The following GRIP1 variants were observed in gnomAD, a reference collection of about 807,000 sequenced individuals.
GRIP1 encodes glutamate receptor-interacting protein 1.
A neutral mutation model predicts 129.9 loss-of-function variants in GRIP1; 45 were observed. The observed-to-expected ratio is 0.35, with a 90% CI of 0.27 to 0.44. The LOEUF is 0.44. Ranked by LOEUF, GRIP1 falls within the 20% of genes least tolerant of loss-of-function variation. The probability of loss-of-function intolerance (pLI) is 1.00; values close to 1 mark genes in which losing one functional copy is unlikely to be tolerated. For synonymous variants in GRIP1, 530 were observed against 520.8 expected, an observed-to-expected ratio of 1.02 and a Z score of -0.24; for missense variants, 1,196 against 1,396.8, an observed-to-expected ratio of 0.86 and a Z score of 2.29.
At chr12:66,921,597 C>T (rs953295843) in intron 1 of GRIP1, among the ~76,000 whole-genome samples, 1 of 152,216 alleles carries the variant, frequency 6.6e-6, no homozygotes, top group Non-Finnish European at 1.5e-5. Flanking sequence ...GGCCTGACAT[C>T]ACTGACTGCA....
At chr12:66,352,538 GC>G (rs2054281815) in intron 24 of GRIP1, among the ~76,000 whole-genome samples, 1 of 152,036 alleles carries the variant, frequency 6.6e-6, no homozygotes, top group Non-Finnish European at 1.5e-5. Flanking sequence ...TATGAGACCA[GC>G]CTGGCCAACC....
intron 9 of GRIP1, among the ~76,000 whole-genome samples, chr12:66,460,797 T>TG (rs764665463): frequency 6.6e-6 from 1 of 152,240 alleles, no homozygotes; most frequent in East Asian, 1.9e-4. Flanking sequence ...GGTAAAACTA[T>TG]GTAAAACTCC....
chr12:66,812,614 C>A lies in GRIP1; in HGVS notation c.59-215687G>T, dbSNP rs80008574. On this transcript the variant is annotated intron_variant, in intron 1 of 1. Coordinates refer to the GRIP1 transcript ENST00000643019. ...TTCGCCTTGATAGTAGCTTTAGTTA[C>A]AAGTTCAAGTAAAGAGTTTAAAACT... Among the ~76,000 whole-genome samples the A allele has an allele frequency of 5.3e-3, 810 of 152,318 alleles. 7 individuals carry two copies. Among genetic ancestry groups the A allele is most frequent in the East Asian group, 0.051 (266 of 5,186 alleles).
intron 1 of GRIP1, among the ~76,000 whole-genome samples, chr12:66,768,721 T>C (rs1366441665): frequency 6.6e-6 from 1 of 152,190 alleles, no homozygotes; most frequent in Admixed American, 6.5e-5. Context: ...ATCCTTTTGA[T>C]ATGGTGATAT....
At chr12:66,376,675 C>G (rs2055799920) in intron 22 of GRIP1, among the ~76,000 whole-genome samples, 2 of 152,236 alleles carry the variant, frequency 1.3e-5, no homozygotes, top group Non-Finnish European at 2.9e-5. Context: ...AAGGACAAAA[C>G]AAAGTAAAAT....
chr12:66,628,213 A>G (rs760950173), intron 1 of GRIP1, among the ~76,000 whole-genome samples: 3 of 152,160 alleles, frequency 2.0e-5, no homozygotes, highest in Non-Finnish European at 2.9e-5. Flanking sequence ...ATAGATTGTG[A>G]GCTCACAGAT....
chr12:66,578,570 C>T (rs919475429), intron 2 of GRIP1, among the ~76,000 whole-genome samples: 6 of 152,152 alleles, frequency 3.9e-5, no homozygotes, highest in African/African-American at 1.2e-4. Context: ...TGCGCTTTTC[C>T]AAAGGGCTTA....
chr12:67,011,406 A>T (rs1004422600), intron 1 of GRIP1, among the ~76,000 whole-genome samples: 5 of 152,168 alleles, frequency 3.3e-5, no homozygotes, highest in African/African-American at 9.6e-5. Flanking sequence ...ACCCTAGGAA[A>T]AGAACGCTGT....
intron 1 of GRIP1, among the ~76,000 whole-genome samples, chr12:66,937,544 A>C (rs766395844): frequency 6.6e-6 from 1 of 152,182 alleles, no homozygotes; most frequent in Non-Finnish European, 1.5e-5. Context: ...CTCATACCTA[A>C]AATAACTGTA....
intron 1 of GRIP1, among the ~76,000 whole-genome samples, chr12:66,632,526 G>C (rs973299807): frequency 1.3e-5 from 2 of 152,046 alleles, no homozygotes; most frequent in African/African-American, 4.8e-5. Context: ...AAAAAGGAAG[G>C]TTTCTTCCCT....
intron 7 of GRIP1, among the ~76,000 whole-genome samples, chr12:66,515,132 A>G (rs1046668861): frequency 6.6e-6 from 1 of 152,174 alleles, no homozygotes; most frequent in Non-Finnish European, 1.5e-5. Context: ...ATGATACTAC[A>G]TCTCCTTTAT....
intron 1 of GRIP1, among the ~76,000 whole-genome samples, chr12:66,877,025 A>T (rs188003981): frequency 6.6e-6 from 1 of 152,040 alleles, no homozygotes; most frequent in South Asian, 2.1e-4. Flanking sequence ...CTCAATATGC[A>T]TATCTGTGTA....
At chr12:66,817,436 T>G (rs2039242213) in intron 1 of GRIP1, among the ~76,000 whole-genome samples, 1 of 151,798 alleles carries the variant, frequency 6.6e-6, no homozygotes, top group Non-Finnish European at 1.5e-5. Flanking sequence ...TGGGATGGAG[T>G]CTTTCTCTTG....
chr12:66,611,232 C>G (rs1376187380), intron 1 of GRIP1, among the ~76,000 whole-genome samples: 1 of 152,124 alleles, frequency 6.6e-6, no homozygotes, highest in Non-Finnish European at 1.5e-5. Context: ...GATGCCACTC[C>G]TGTCAGCATC....
intron 1 of GRIP1, among the ~76,000 whole-genome samples, chr12:66,605,960 G>C (rs1446645167): frequency 6.6e-6 from 1 of 152,060 alleles, no homozygotes; most frequent in East Asian, 1.9e-4. Flanking sequence ...TAACATTTTG[G>C]AGCTAAGAGC....
chr12:66,524,458 C>T (rs1037852809), intron 5 of GRIP1, among the ~76,000 whole-genome samples: 11 of 152,000 alleles, frequency 7.2e-5, no homozygotes, highest in South Asian at 4.2e-4. Flanking sequence ...AAGGCAGAAA[C>T]AAAGATGTTC....
At chr12:66,517,637 G>A (rs1294547516) in intron 6 of GRIP1, among the ~76,000 whole-genome samples, 1 of 152,082 alleles carries the variant, frequency 6.6e-6, no homozygotes, top group South Asian at 2.1e-4. Flanking sequence ...GCTCTGAAAG[G>A]TGGTATTATT....
chr12:66,491,061 A>G (rs12827035), intron 7 of GRIP1, among the ~76,000 whole-genome samples: 86,512 of 152,022 alleles, frequency 0.57, 25,711 homozygotes, highest in Middle Eastern at 0.74. Context: ...GCAATTCCTC[A>G]AAGACCTAGA....
rs561522836 is a variant in GRIP1 at position 66,523,686 on chromosome 12, T to G, written c.503-5710A>C. 1.1e-4 allele frequency among the ~76,000 whole-genome samples: 17 copies of G among 151,650 alleles called. No homozygotes were observed. The South Asian group carries it at 2.1e-3, about 19-fold the overall frequency. On this transcript the variant is annotated intron_variant, in intron 5 of 24. Coordinates refer to ENST00000359742, the MANE Select transcript of GRIP1 (RefSeq NM_001366722.1). ...CCAAATTCACACATAACAATTTAACTTTAAATGTAAATGGGCTAAAAGCTC... is the reference window on the plus strand; with the variant it reads ...CCAAATTCACACATAACAATTTAACGTTAAATGTAAATGGGCTAAAAGCTC...
Sources: gnomAD v4.1 joint callset for allele counts (sites outside exome capture counted in the v4.1 genomes callset) on GRCh38, gnomAD v4.1.1 for gene constraint, MANE v1.5 for transcripts, NCBI Gene and HGNC (gene_info 2026-07-23, HGNC 2026-07-21) for gene names.